Variants in NDUFS1 observed in about 807,000 individuals in gnomAD.
NDUFS1 encodes NADH-ubiquinone oxidoreductase 75 kDa subunit, mitochondrial.
Under a neutral mutation model 84.4 loss-of-function variants are expected in NDUFS1, and 61 were observed. That is an observed-to-expected ratio of 0.72 (90% CI 0.59 to 0.89). NDUFS1 has a LOEUF of 0.89. Among genes scored for constraint, NDUFS1 ranks in the 40% least tolerant of loss-of-function variants. The pLI, the probability that NDUFS1 is intolerant of heterozygous loss-of-function variation, is 0.00. For synonymous variants in NDUFS1, 275 were observed against 290.0 expected (o/e 0.95, Z 0.53); for missense variants, 891 against 890.0 (o/e 1.00, Z -0.01).
At chr2:206,136,753 T>C (rs1467649572) in intron 13 of NDUFS1, among the ~76,000 whole-genome samples, 2 of 145,184 alleles carry the variant, frequency 1.4e-5, no homozygotes, top group African/African-American at 5.1e-5. Flanking sequence ...TTAGTTTCTT[T>C]CTTTTTTTCT....
chr2:206,126,721 C>T lies in NDUFS1; in HGVS notation c.2008G>A (p.Glu670Lys), dbSNP rs1274595988. The T allele has an allele frequency of 1.9e-6, 3 of 1,614,016 alleles. No homozygotes were observed. The highest frequency in any genetic ancestry group is 2.7e-5 in the African/African-American group (2 of 74,920). Residue 670 changes from glutamate to lysine, a missense_variant, in exon 17 of 19, where the codon GAG (glutamate) becomes AAG (lysine). Transcript: ENST00000233190. Reference protein sequence around the residue: ...EGANYFQQANELSKLVNQQLL... With the variant: ...EGANYFQQANKLSKLVNQQLL... The stretch of plus-strand genomic sequence containing the variant: ...AGGCGAGCTGTTACCTTTGAGAGCT[C>T]ATTTGCTTGCTGGAAGTAATTAGCC...
chr2:206,120,054 C>T lies in NDUFS1; in HGVS notation c.*4131G>A, dbSNP rs777847017. 2.6e-5 allele frequency: 4 copies of T among 152,200 alleles called. No individual in the cohort carries two copies. The highest frequency in any genetic ancestry group is 4.8e-5 in the African/African-American group (2 of 41,450). The allele number at this position is 152,200 out of a possible 1,614,324, so 9.4% of individuals were successfully genotyped here. A position where few individuals can be genotyped will look rare whatever the true frequency, so the allele number is the denominator to read the frequency against. ...TAGAGTCTGGGACCTCCTCCTCTCT[C>T]TTGCTCCCTCTCTCACCATGTGATA... On this transcript the variant is annotated 3_prime_UTR_variant, in exon 19 of 19. Coordinates refer to ENST00000233190, the MANE Select transcript of NDUFS1 (RefSeq NM_005006.7).
At chr2:206,125,484 C>T (rs1335430574) in intron 18 of NDUFS1, among the ~76,000 whole-genome samples, 3 of 151,770 alleles carry the variant, frequency 2.0e-5, no homozygotes, top group Non-Finnish European at 4.4e-5. Context: ...CACACACACA[C>T]ACACACACGT....
chr2:206,125,493 G>A (rs1398805631), intron 18 of NDUFS1, among the ~76,000 whole-genome samples: 3 of 150,062 alleles, frequency 2.0e-5, no homozygotes, highest in South Asian at 2.1e-4. Context: ...ACACACACAC[G>A]TACATGTAAA....
rs1691192761 is a variant in NDUFS1 at position 206,124,198 on chromosome 2, G to A, written c.2171C>T (p.Pro724Leu). The A allele has an allele frequency of 1.9e-6, 3 of 1,609,772 alleles. No homozygotes were observed. The South Asian group carries it at 3.3e-5, about 18-fold the overall frequency. Residue 724 changes from proline (P) to leucine (L), a missense_variant, in exon 19 of 19, where the codon CCA (proline) becomes CTA (leucine). By Grantham distance (98) the Pro-to-Leu change is moderately conservative. Coordinates refer to ENST00000233190, the MANE Select transcript of NDUFS1 (RefSeq NM_005006.7). ...CTAGTAGAAGCTTCAGCATATGGAT[G>A]GTTCCTCTACTGCCTGGGCACCCTC... ...VTEGAQAVEEPSIC is the reference protein window; with the variant it reads ...VTEGAQAVEELSIC
In NDUFS1 at chr2:206,120,449, A is replaced by C. The variant is rs1393467687; in HGVS notation, c.*3736T>G. On this transcript the variant is annotated 3_prime_UTR_variant, in exon 19 of 19. Coordinates refer to ENST00000233190, the MANE Select transcript of NDUFS1 (RefSeq NM_005006.7). ...TGCTGATAGACATATGGTGAAGTCCAGAGTGATGAGGTCTCAGATGGAAAT... is the reference window on the plus strand; with the variant it reads ...TGCTGATAGACATATGGTGAAGTCCCGAGTGATGAGGTCTCAGATGGAAAT... 1.3e-5 allele frequency: 2 copies of C among 152,236 alleles called. No homozygotes were observed. The allele number at this position is 152,236 out of a possible 1,614,324, so 9.4% of individuals were successfully genotyped here.
chr2:206,130,203 C>A lies in NDUFS1; in HGVS notation c.1593G>T (p.Lys531Asn). 1 of 1,614,156 alleles carries A rather than the reference C, an allele frequency of 6.2e-7. No homozygotes were observed. Among genetic ancestry groups the A allele is most frequent in the Non-Finnish European group, 8.5e-7 (1 of 1,180,032 alleles). ...TCTTCCGAATTGCTTCCACCCCAGGCTTATAGCCAAGGTCCAAAGCAGCTA... is the reference window on the plus strand; with the variant it reads ...TCTTCCGAATTGCTTCCACCCCAGGATTATAGCCAAGGTCCAAAGCAGCTA... ...SQVAALDLGYKPGVEAIRKNP... is the reference protein window; with the variant it reads ...SQVAALDLGYNPGVEAIRKNP... Residue 531 changes from lysine (K) to asparagine (N), a missense_variant, in exon 15 of 19, where the codon AAG becomes AAT. Lys to Asn is a moderately conservative substitution (Grantham distance 94). Coordinates refer to ENST00000233190, the MANE Select transcript of NDUFS1 (RefSeq NM_005006.7).
rs749882367 is a variant in NDUFS1 at position 206,133,023 on chromosome 2, G to A, written c.1475C>T (p.Ala492Val). Residue 492 changes from alanine (A) to valine (V), a missense_variant, in exon 14 of 19, where the codon GCT becomes GTT. Ala to Val is a moderately conservative substitution (Grantham distance 64). Coordinates refer to ENST00000233190, the MANE Select transcript of NDUFS1 (RefSeq NM_005006.7). Reference protein sequence around the residue: ...QRNDGAAILAAVSSIAQKIRM... With the variant: ...QRNDGAAILAVVSSIAQKIRM... ...AATCTTTTGTGCAATGCTAGAAACA[G>A]CTGCAAGAATTGCTGCTCCATCATT... The A allele has an allele frequency of 1.9e-6, 3 of 1,613,744 alleles. No individual in the cohort carries two copies. The highest frequency in any genetic ancestry group is 2.2e-5 in the South Asian group (2 of 91,040).
intron 1 of NDUFS1, among the ~76,000 whole-genome samples, chr2:206,157,920 T>TATCCC (rs1447035775): frequency 6.6e-6 from 1 of 151,272 alleles, no homozygotes; most frequent in Non-Finnish European, 1.5e-5. Flanking sequence ...GGTACCACCC[T>TATCCC]ATCCCAATCC....
chr2:206,128,921 T>C (rs1247485995), intron 15 of NDUFS1, among the ~76,000 whole-genome samples: 2 of 151,736 alleles, frequency 1.3e-5, no homozygotes, highest in African/African-American at 2.4e-5. Flanking sequence ...ACTGCTCAGA[T>C]GTACCAGTTT....
At position 206,141,843 on chromosome 2, in the gene NDUFS1, C is replaced by T. The variant is rs550395818; in HGVS notation, c.1262+98G>A. On this transcript the variant is annotated intron_variant, in intron 12 of 18. Transcript: ENST00000233190. ...GTCTTCCAGTTATCTTTTGGAGTCT[C>T]ACTACCACTAACACTATTAGGAAGA... 189 of 1,042,062 alleles carry T rather than the reference C, an allele frequency of 1.8e-4. 2 individuals carry two copies. The South Asian group carries it at 2.6e-3, about 14-fold the overall frequency. 64.6% of individuals were successfully genotyped at this position (1,042,062 alleles called of 1,614,324 possible). A position where few individuals can be genotyped will look rare whatever the true frequency, so the allele number is the denominator to read the frequency against.
chr2:206,141,356 C>G (rs1419673382), intron 12 of NDUFS1, among the ~76,000 whole-genome samples: 1 of 146,314 alleles, frequency 6.8e-6, no homozygotes, highest in Admixed American at 6.9e-5. Context: ...CACGGTGAAA[C>G]CCCGTCTCTA....
At position 206,155,614 on chromosome 2, in the gene NDUFS1, C is replaced by T. The variant is rs192114254; in HGVS notation, c.-4-1932G>A. On this transcript the variant is annotated intron_variant, in intron 1 of 18. Coordinates refer to ENST00000233190, the MANE Select transcript of NDUFS1 (RefSeq NM_005006.7). ...TGTATTTTTAGTAGAGACAGGGTTT[C>T]GCCACGTTGGCCAAGGTGGTCCTGA... Among the ~76,000 whole-genome samples, 696 of 151,828 alleles carry T rather than the reference C, an allele frequency of 4.6e-3. 6 individuals are homozygous for T. The highest frequency in any genetic ancestry group is 0.016 in the African/African-American group (669 of 41,398).
intron 11 of NDUFS1, 36 bp from the exon 12 acceptor site, chr2:206,142,105 A>G: frequency 6.6e-7 from 1 of 1,525,652 alleles, no homozygotes; most frequent in South Asian, 1.1e-5. Context: ...AATTTACTTT[A>G]AAATTAAGAC....
At chr2:206,144,823 T>G (rs1387603704) in intron 9 of NDUFS1, 69 bp downstream of exon 9, 33 of 1,502,262 alleles carry the variant, frequency 2.2e-5, no homozygotes, top group Non-Finnish European at 3.0e-5. Context: ...AAAAGATAAT[T>G]CTTCAAAATT....
intron 10 of NDUFS1, 21 bp downstream of exon 10, chr2:206,143,997 A>G (rs1278977401): frequency 3.2e-6 from 5 of 1,546,198 alleles, no homozygotes; most frequent in Non-Finnish European, 4.5e-6. Flanking sequence ...ACTATTTAAC[A>G]CTATTTATTT....
At chr2:206,131,410 CT>C (rs1691506547) in intron 14 of NDUFS1, among the ~76,000 whole-genome samples, 1 of 152,160 alleles carries the variant, frequency 6.6e-6, no homozygotes, top group African/African-American at 2.4e-5. Context: ...AAAAAAATTT[CT>C]GACCATAGTA....
At chr2:206,137,483 A>G (rs1559050971) in intron 13 of NDUFS1, among the ~76,000 whole-genome samples, 1 of 150,384 alleles carries the variant, frequency 6.6e-6, no homozygotes, top group Non-Finnish European at 1.5e-5. Context: ...CCAAGGAAAA[A>G]GAAAAAAAAA....
Position 206,116,750 on chromosome 2 carries a change from G to C in NDUFS1, c.*7435C>G. ...ATATTTTTAAAAATTAGCTGGGCGCGGTGGCTTACGCCTGTAATCCCAGCA... is the reference window on the plus strand; with the variant it reads ...ATATTTTTAAAAATTAGCTGGGCGCCGTGGCTTACGCCTGTAATCCCAGCA... On this transcript the variant is annotated 3_prime_UTR_variant, in exon 19 of 19. Coordinates refer to ENST00000233190, the MANE Select transcript of NDUFS1 (RefSeq NM_005006.7). The C allele has an allele frequency of 8.5e-6, 2 of 234,400 alleles. 1 individual carries two copies. Among genetic ancestry groups the C allele is most frequent in the South Asian group, 1.1e-4 (2 of 17,426 alleles). 14.5% of individuals were successfully genotyped at this position (234,400 alleles called of 1,614,324 possible).
Sources: gnomAD v4.1 joint callset for allele counts (sites outside exome capture counted in the v4.1 genomes callset) on GRCh38, gnomAD v4.1.1 for gene constraint, MANE v1.5 for transcripts, NCBI Gene and HGNC (gene_info 2026-07-23, HGNC 2026-07-21) for gene names.